The following MLIP variants were observed in gnomAD, a reference collection of about 807,000 sequenced individuals.
The protein encoded by MLIP is muscular LMNA interacting protein.
A neutral mutation model predicts 84.8 loss-of-function variants in MLIP; 79 were observed. The observed-to-expected ratio is 0.93, with a 90% CI of 0.78 to 1.12. MLIP has a LOEUF of 1.12. MLIP is among the 50% of genes most tolerant of loss of function. MLIP has a pLI of 0.00. For missense variants in MLIP, 1,257 were observed against 1,160.6 expected, an observed-to-expected ratio of 1.08 and a Z score of -1.21; for synonymous variants, 504 against 463.0, an observed-to-expected ratio of 1.09 and a Z score of -1.14.
chr6:54,081,734 G>C (rs1767170761), intron 1 of MLIP, among the ~76,000 whole-genome samples: 1 of 152,038 alleles, frequency 6.6e-6, no homozygotes, highest in Non-Finnish European at 1.5e-5. Context: ...GTTTTTATGA[G>C]AAAATGTTAA....
At chr6:54,244,986 T>G (rs1012589730) in intron 12 of MLIP, among the ~76,000 whole-genome samples, 1 of 152,178 alleles carries the variant, frequency 6.6e-6, no homozygotes, top group African/African-American at 2.4e-5. Flanking sequence ...AGAAACATGA[T>G]TTTTAAAGCT....
intron 1 of MLIP, chr6:54,028,877 C>T (rs1581985707): frequency 1.3e-5 from 2 of 152,208 alleles, no homozygotes; most frequent in South Asian, 4.1e-4. Flanking sequence ...GTCATTTATA[C>T]TAAGGTCTCT....
chr6:54,149,982 G>A (rs1349367077), intron 5 of MLIP, among the ~76,000 whole-genome samples: 2 of 151,954 alleles, frequency 1.3e-5, no homozygotes, highest in Non-Finnish European at 2.9e-5. Flanking sequence ...ATTTCTCAAT[G>A]CACTAAGTCC....
intron 9 of MLIP, among the ~76,000 whole-genome samples, chr6:54,180,769 A>T (rs770135387): frequency 6.6e-6 from 1 of 152,148 alleles, no homozygotes; most frequent in African/African-American, 2.4e-5. Flanking sequence ...TTCTTTGAGT[A>T]GTCTCAACAC....
At chr6:54,053,914 C>G (rs1749981314) in intron 1 of MLIP, among the ~76,000 whole-genome samples, 1 of 152,158 alleles carries the variant, frequency 6.6e-6, no homozygotes, top group Admixed American at 6.5e-5. Flanking sequence ...GACAAGTACT[C>G]TCAGGCTGTT....
chr6:54,259,393 A>G (rs1288656985), intron 13 of MLIP, among the ~76,000 whole-genome samples: 3 of 151,906 alleles, frequency 2.0e-5, no homozygotes, highest in African/African-American at 7.2e-5. Flanking sequence ...ATTTTGGTTC[A>G]AGTTCACATT....
At chr6:54,186,031 A>G (rs1413144461) in intron 9 of MLIP, among the ~76,000 whole-genome samples, 1 of 152,182 alleles carries the variant, frequency 6.6e-6, no homozygotes, top group African/African-American at 2.4e-5. Context: ...TGGTACCTGT[A>G]AAGAATGACA....
intron 1 of MLIP, among the ~76,000 whole-genome samples, chr6:54,062,516 C>T (rs1766025178): frequency 6.6e-6 from 1 of 152,106 alleles, no homozygotes; most frequent in Non-Finnish European, 1.5e-5. Flanking sequence ...TTTAAAAACT[C>T]AACATCTGAA....
At chr6:54,202,672 T>C (rs1321462053) in intron 11 of MLIP, among the ~76,000 whole-genome samples, 2 of 152,058 alleles carry the variant, frequency 1.3e-5, no homozygotes, top group Non-Finnish European at 2.9e-5. Context: ...GCAGGAGTAT[T>C]GCTTGACCCC....
chr6:54,033,695 T>C (rs1370513971), intron 1 of MLIP, among the ~76,000 whole-genome samples: 1 of 152,030 alleles, frequency 6.6e-6, no homozygotes, highest in Non-Finnish European at 1.5e-5. Flanking sequence ...GCCCAGAACC[T>C]CAGCTCCCCA....
chr6:54,078,893 G>A (rs1038066548), intron 1 of MLIP, among the ~76,000 whole-genome samples: 3 of 151,914 alleles, frequency 2.0e-5, no homozygotes, highest in African/African-American at 4.8e-5. Context: ...GTTTCACCAC[G>A]TTGGCCAGGC....
chr6:54,124,519 A>G lies in MLIP; in HGVS notation c.299A>G (p.Glu100Gly). ...ACCTTGAATGCTGGGAGCCAACAAG[A>G]GAGAGACCAAGCGAAATTGACTTGT... is the stretch of plus-strand genomic sequence containing the variant. ...YLTLNAGSQQ[E>G]RDQAKLTCPS... is the part of the protein sequence containing the mutation. Residue 100 changes from glutamate to glycine, a missense_variant, in exon 3 of 14, where the codon GAG becomes GGG. Physicochemically the swap from Glu to Gly is moderately conservative, Grantham distance 98 (BLOSUM62 -2). Transcript: ENST00000502396. The G allele has an allele frequency of 1.9e-6, 3 of 1,614,216 alleles. No homozygotes were observed. The highest frequency in any genetic ancestry group is 2.5e-6 in the Non-Finnish European group (3 of 1,180,034).
chr6:54,147,170 T>C (rs1281445573), intron 4 of MLIP, among the ~76,000 whole-genome samples: 1 of 152,154 alleles, frequency 6.6e-6, no homozygotes, highest in African/African-American at 2.4e-5. Flanking sequence ...CTGCATTACA[T>C]GTAGGCTTAG....
At chr6:54,261,804 A>T in intron 13 of MLIP, 1 of 868,066 alleles carries the variant, frequency 1.2e-6, no homozygotes, top group Non-Finnish European at 1.4e-6. Context: ...CAAGAGAAAA[A>T]GGCCCACTCT....
In MLIP at chr6:54,120,381, C is replaced by G. The variant is rs942103931; in HGVS notation, c.97-1066C>G. ...TCCTGAGTAGCTGAGACTACAGGCG[C>G]CTGCCACCACGCCCGGCTCATTTTT... On this transcript the variant is annotated intron_variant, in intron 1 of 13. Coordinates refer to ENST00000502396, the MANE Select transcript of MLIP (RefSeq NM_001281747.2). Among the ~76,000 whole-genome samples the G allele has an allele frequency of 2.8e-5, 4 of 144,566 alleles. No homozygotes were observed. In the South Asian group the frequency reaches 9.6e-4, roughly 35 times the overall value. 94.8% of individuals were successfully genotyped at this position (144,566 alleles called of 152,430 possible).
chr6:54,208,175 G>C (rs577838684), intron 11 of MLIP, among the ~76,000 whole-genome samples: 1 of 152,152 alleles, frequency 6.6e-6, no homozygotes, highest in Non-Finnish European at 1.5e-5. Context: ...TTCTTTATTG[G>C]TTTTATCTGT....
chr6:54,210,212 T>C (rs1260438288), intron 11 of MLIP, among the ~76,000 whole-genome samples: 4 of 152,262 alleles, frequency 2.6e-5, no homozygotes, highest in South Asian at 4.1e-4. Flanking sequence ...AGTTCCTACA[T>C]ACGTTTCAGT....
intron 11 of MLIP, among the ~76,000 whole-genome samples, chr6:54,210,053 T>C (rs1307634455): frequency 6.6e-6 from 1 of 151,612 alleles, no homozygotes; most frequent in African/African-American, 2.4e-5. Context: ...GAATTAATGC[T>C]AAAGTGTCAG....
chr6:54,157,908 A>G (rs1774202877), intron 5 of MLIP, among the ~76,000 whole-genome samples: 1 of 152,170 alleles, frequency 6.6e-6, no homozygotes, highest in Non-Finnish European at 1.5e-5. Flanking sequence ...TTAGATTATC[A>G]TAACCAACCT....
Sources: gnomAD v4.1 joint callset for allele counts (sites outside exome capture counted in the v4.1 genomes callset) on GRCh38, gnomAD v4.1.1 for gene constraint, MANE v1.5 for transcripts, NCBI Gene and HGNC (gene_info 2026-07-23, HGNC 2026-07-21) for gene names.